The following PSMD1 variants were observed in gnomAD, a reference collection of about 807,000 sequenced individuals.
The protein encoded by PSMD1 is proteasome 26S subunit, non-ATPase 1.
In PSMD1, 18 loss-of-function variants were observed where a neutral mutation model predicts 119.0. The observed-to-expected ratio is 0.15, with a 90% confidence interval of 0.10 to 0.22. PSMD1 has a LOEUF of 0.22. Among genes scored for constraint, PSMD1 ranks in the 10% least tolerant of loss-of-function variants. The probability of loss-of-function intolerance (pLI) is 1.00; values close to 1 mark genes in which losing one functional copy is unlikely to be tolerated. For missense variants in PSMD1, 702 were observed against 1,158.5 expected, an observed-to-expected ratio of 0.61 and a Z score of 5.72; for synonymous variants, 374 against 396.6, an observed-to-expected ratio of 0.94 and a Z score of 0.68.
chr2:231,121,619 A>C (rs1421521647), intron 16 of PSMD1, among the ~76,000 whole-genome samples: 1 of 152,164 alleles, frequency 6.6e-6, no homozygotes, highest in East Asian at 1.9e-4. Flanking sequence ...TTAAACAGGT[A>C]AATCTTTGTT....
chr2:231,112,598 T>C (rs1039603880), intron 16 of PSMD1, among the ~76,000 whole-genome samples: 2 of 152,210 alleles, frequency 1.3e-5, no homozygotes, highest in African/African-American at 4.8e-5. Flanking sequence ...TCCAGGTCTC[T>C]TAATTTTTTG....
intron 16 of PSMD1, among the ~76,000 whole-genome samples, chr2:231,090,281 G>A (rs942296724): frequency 4.6e-5 from 7 of 152,200 alleles, no homozygotes; most frequent in African/African-American, 1.2e-4. Context: ...GGTGGCTCAC[G>A]CCTGTAATCC....
intron 16 of PSMD1, among the ~76,000 whole-genome samples, chr2:231,115,131 A>G (rs867348907): frequency 5.9e-5 from 9 of 151,984 alleles, no homozygotes; most frequent in Non-Finnish European, 1.2e-4. Context: ...AGACTCTTCT[A>G]TTGTTAACTG....
chr2:231,102,319 G>A (rs551620175), intron 16 of PSMD1, among the ~76,000 whole-genome samples: 1 of 152,138 alleles, frequency 6.6e-6, no homozygotes, highest in South Asian at 2.1e-4. Context: ...TTTTATTAAA[G>A]AATAAAGTTA....
rs931839435 is a variant in PSMD1 at position 231,136,219 on chromosome 2, C to T, written c.1884-2517C>T. ...ATAAATTATATTCAGTGTAGGATTT[C>T]GGTTCACTTTAGTATTTTTAAAAGA... On this transcript the variant is annotated intron_variant, in intron 16 of 24. Transcript: ENST00000308696. Among the ~76,000 whole-genome samples, 11 of 152,214 alleles carry T rather than the reference C, an allele frequency of 7.2e-5. No homozygotes were observed. In the East Asian group the frequency reaches 9.7e-4, roughly 13 times the overall value.
Position 231,091,397 on chromosome 2 carries a change from A to G in PSMD1, c.1883+4216A>G, listed in dbSNP as rs181356828. On this transcript the variant is annotated intron_variant, in intron 16 of 24. Coordinates refer to ENST00000308696, the MANE Select transcript of PSMD1 (RefSeq NM_002807.4). Reference sequence around the variant, plus strand: ...TTTTGCAAAACCTCCCGGCCTTCCAATAAGGTTTGCATCTTTCCCTATAAT... The same window carrying G: ...TTTTGCAAAACCTCCCGGCCTTCCAGTAAGGTTTGCATCTTTCCCTATAAT... 4.3e-4 allele frequency among the ~76,000 whole-genome samples: 65 copies of G among 152,306 alleles called. 1 individual carries two copies. The highest frequency in any genetic ancestry group is 3.1e-4 in the Non-Finnish European group (21 of 68,022).
At chr2:231,065,435 G>A (rs1256275708) in intron 4 of PSMD1, among the ~76,000 whole-genome samples, 2 of 150,546 alleles carry the variant, frequency 1.3e-5, no homozygotes, top group South Asian at 2.1e-4. Flanking sequence ...TGGGACTACA[G>A]GCGCCCGCCA....
At chr2:231,151,687 C>T (rs1486066521) in intron 18 of PSMD1, among the ~76,000 whole-genome samples, 3 of 151,856 alleles carry the variant, frequency 2.0e-5, no homozygotes, top group African/African-American at 7.3e-5. Context: ...ACTTCTTAAG[C>T]CTTTAGCACA....
At chr2:231,152,636 A>G (rs969162706) in intron 18 of PSMD1, among the ~76,000 whole-genome samples, 2 of 152,208 alleles carry the variant, frequency 1.3e-5, no homozygotes, top group Non-Finnish European at 2.9e-5. Flanking sequence ...GAAAAGGGGG[A>G]AAAGATTCTG....
At chr2:231,082,034 C>T (rs1207890499) in intron 12 of PSMD1, among the ~76,000 whole-genome samples, 1 of 152,118 alleles carries the variant, frequency 6.6e-6, no homozygotes, top group Non-Finnish European at 1.5e-5. Context: ...TGTTTTCTCA[C>T]GTTCATTTCA....
chr2:231,059,585 A>C (rs1324215660), intron 1 of PSMD1, among the ~76,000 whole-genome samples: 1 of 152,170 alleles, frequency 6.6e-6, no homozygotes, highest in East Asian at 1.9e-4. Context: ...CATAAAGGAA[A>C]GTTGTGCTAA....
chr2:231,169,090 T>C (rs1489249868), intron 23 of PSMD1, among the ~76,000 whole-genome samples: 1 of 151,622 alleles, frequency 6.6e-6, no homozygotes, highest in East Asian at 2.0e-4. Flanking sequence ...TTAACAAACC[T>C]AGACCATGTA....
chr2:231,109,303 A>G, intron 16 of PSMD1: 2 of 1,614,160 alleles, frequency 1.2e-6, no homozygotes, highest in South Asian at 2.2e-5. Context: ...CCAGTGAGCC[A>G]AAGAGCATGA....
At chr2:231,062,855 G>T (rs3815844) in intron 4 of PSMD1, among the ~76,000 whole-genome samples, 180 bp downstream of exon 4, 69,787 of 151,932 alleles carry the variant, frequency 0.46, 18,080 homozygotes, top group African/African-American at 0.7. Flanking sequence ...ACTGAGTGCT[G>T]GTTCTCAGTG....
intron 17 of PSMD1, among the ~76,000 whole-genome samples, chr2:231,143,579 A>G (rs1574767240): frequency 6.6e-6 from 1 of 152,316 alleles, no homozygotes; most frequent in East Asian, 1.9e-4. Context: ...CAGAGTGTGA[A>G]TAGAAGTTAT....
intron 17 of PSMD1, among the ~76,000 whole-genome samples, chr2:231,145,651 T>A (rs1297436785): frequency 1.3e-5 from 2 of 152,112 alleles, no homozygotes; most frequent in Non-Finnish European, 2.9e-5. Context: ...CGCAGCACTT[T>A]GGGAGGCTGA....
At chr2:231,071,717 A>G (rs1283103644) in intron 6 of PSMD1, among the ~76,000 whole-genome samples, 2 of 152,224 alleles carry the variant, frequency 1.3e-5, no homozygotes, top group African/African-American at 4.8e-5. Context: ...TAATTTTGTT[A>G]AAACAATGGC....
Position 231,070,164 on chromosome 2 carries a change from G to C in PSMD1, c.650G>C (p.Cys217Ser). 6.5e-7 allele frequency: 1 copy of C among 1,537,702 alleles called. No homozygotes were observed. Among genetic ancestry groups the C allele is most frequent in the African/African-American group, 1.4e-5 (1 of 72,040 alleles). ...NLEKPDFINV[C>S]QCLIFLDDPQ... The stretch of plus-strand genomic sequence containing the variant: ...GAGAAACCTGATTTCATCAATGTTT[G>C]TCAGGTAATGACATTAAATTATGTT... The change falls in exon 6 of 25, where the codon TGT (cysteine) becomes TCT (serine). Residue 217 changes from cysteine (C) to serine (S), a missense_variant. Cys to Ser is a moderately radical substitution (Grantham distance 112). Transcript: ENST00000308696.
chr2:231,094,254 T>A (rs992673643), intron 16 of PSMD1, among the ~76,000 whole-genome samples: 6 of 152,042 alleles, frequency 3.9e-5, no homozygotes, highest in Non-Finnish European at 8.8e-5. Context: ...GTTTAAATTG[T>A]TTAGTTAAAT....
Sources: gnomAD v4.1 joint callset for allele counts (sites outside exome capture counted in the v4.1 genomes callset) on GRCh38, gnomAD v4.1.1 for gene constraint, MANE v1.5 for transcripts, NCBI Gene and HGNC (gene_info 2026-07-23, HGNC 2026-07-21) for gene names.